The following OPCML variants were observed in gnomAD, a reference collection of about 807,000 sequenced individuals.
OPCML encodes the protein opioid binding protein/cell adhesion molecule like, also known as opioid-binding protein/cell adhesion molecule.
OPCML carries 13 observed loss-of-function variants against 37.8 expected under a neutral mutation model. The ratio of observed to expected loss-of-function variants is 0.34; its 90% CI spans 0.22 to 0.55. The LOEUF is 0.55. Among genes scored for constraint, OPCML ranks in the 20% least tolerant of loss-of-function variants. The pLI is 0.91. For missense variants in OPCML, 341 were observed against 435.6 expected (o/e 0.78, Z 1.93); for synonymous variants, 176 against 168.8 (o/e 1.04, Z -0.33).
At chr11:132,690,197 C>A (rs779096871) in intron 2 of OPCML, among the ~76,000 whole-genome samples, 3 of 152,156 alleles carry the variant, frequency 2.0e-5, no homozygotes, top group Non-Finnish European at 2.9e-5. Flanking sequence ...ACCTCAGTCT[C>A]ACAAAGAGCT....
At chr11:132,999,211 C>T (rs1946945534) in intron 1 of OPCML, among the ~76,000 whole-genome samples, 2 of 152,160 alleles carry the variant, frequency 1.3e-5, no homozygotes, top group Admixed American at 6.5e-5. Flanking sequence ...AGAAGGAATT[C>T]GTGTCTCTAA....
chr11:133,245,577 G>A (rs186379233), intron 1 of OPCML, among the ~76,000 whole-genome samples: 18 of 152,236 alleles, frequency 1.2e-4, no homozygotes, highest in East Asian at 5.8e-4. Context: ...CCTGAGACTC[G>A]TGTGTCAAAA....
At chr11:132,850,047 A>C (rs1941733505) in intron 2 of OPCML, among the ~76,000 whole-genome samples, 1 of 152,222 alleles carries the variant, frequency 6.6e-6, no homozygotes, top group Admixed American at 6.5e-5. Context: ...AGGATGGGAA[A>C]GACAAACTTT....
chr11:133,327,354 C>T (rs777467025), intron 1 of OPCML, among the ~76,000 whole-genome samples: 1 of 151,864 alleles, frequency 6.6e-6, no homozygotes, highest in Non-Finnish European at 1.5e-5. Context: ...TGTGCAGACT[C>T]TAGGATTACT....
intron 2 of OPCML, among the ~76,000 whole-genome samples, chr11:132,769,708 C>T (rs1017819362): frequency 1.3e-4 from 20 of 152,060 alleles, no homozygotes; most frequent in Non-Finnish European, 7.4e-5. Flanking sequence ...GGGAGACTCG[C>T]GCACCCACAC....
intron 1 of OPCML, among the ~76,000 whole-genome samples, chr11:133,444,067 C>G (rs1310983364): frequency 6.6e-6 from 1 of 152,134 alleles, no homozygotes; most frequent in Non-Finnish European, 1.5e-5. Context: ...GCTTTCCCCT[C>G]TATTTGCACT....
At chr11:133,290,132 A>G (rs769099243) in intron 1 of OPCML, among the ~76,000 whole-genome samples, 55 of 152,168 alleles carry the variant, frequency 3.6e-4, no homozygotes, top group Non-Finnish European at 6.2e-4. Context: ...CCTACATGCA[A>G]GGAACATTCA....
intron 2 of OPCML, among the ~76,000 whole-genome samples, chr11:132,892,327 G>A (rs79549129): frequency 0.012 from 1,846 of 152,324 alleles, 30 homozygotes; most frequent in African/African-American, 0.041. Flanking sequence ...AGAAGAGAGT[G>A]TGGGGTGGTT....
chr11:133,270,618 T>C (rs546601586), intron 1 of OPCML, among the ~76,000 whole-genome samples: 1 of 152,298 alleles, frequency 6.6e-6, no homozygotes, highest in South Asian at 2.1e-4. Context: ...AACATGGAGG[T>C]ACACTGGCTG....
intron 4 of OPCML, among the ~76,000 whole-genome samples, chr11:132,460,875 T>C (rs2096099259): frequency 1.3e-5 from 2 of 152,236 alleles, no homozygotes. Context: ...TAATTGAAAT[T>C]TTAAAAATTG....
At chr11:132,428,020 T>C (rs2095983384) in intron 7 of OPCML, among the ~76,000 whole-genome samples, 1 of 152,196 alleles carries the variant, frequency 6.6e-6, no homozygotes. Context: ...ATAAAAATCA[T>C]ACACGTTATC....
chr11:132,579,105 G>C (rs1039602048), intron 3 of OPCML, among the ~76,000 whole-genome samples: 1 of 152,134 alleles, frequency 6.6e-6, no homozygotes, highest in African/African-American at 2.4e-5. Context: ...ATGATCAACT[G>C]GGGGGAGGCC....
At chr11:132,762,876 G>A (rs1406434582) in intron 2 of OPCML, among the ~76,000 whole-genome samples, 1 of 152,118 alleles carries the variant, frequency 6.6e-6, no homozygotes, top group East Asian at 1.9e-4. Context: ...AAATACACCT[G>A]CAGCTAGCTC....
intron 2 of OPCML, among the ~76,000 whole-genome samples, chr11:132,777,821 C>T (rs1946859872): frequency 6.6e-6 from 1 of 152,156 alleles, no homozygotes; most frequent in South Asian, 2.1e-4. Flanking sequence ...TACCTTCAGG[C>T]TCATGTTTAA....
At chr11:133,213,577 T>G (rs571639942) in intron 1 of OPCML, among the ~76,000 whole-genome samples, 3 of 152,302 alleles carry the variant, frequency 2.0e-5, no homozygotes, top group Admixed American at 2.0e-4. Context: ...GTATAAAATT[T>G]GACATTCTCA....
At chr11:132,772,779 CATCTCA>C (rs1370101682) in intron 2 of OPCML, 2 of 152,222 alleles carry the variant, frequency 1.3e-5, no homozygotes, top group Non-Finnish European at 2.9e-5. Flanking sequence ...CTGTGAGCTA[CATCTCA>C]AATGGCCCCC....
intron 2 of OPCML, among the ~76,000 whole-genome samples, chr11:132,793,654 A>T (rs544036764): frequency 6.6e-6 from 1 of 152,280 alleles, no homozygotes; most frequent in South Asian, 2.1e-4. Context: ...AGCTTGAAAA[A>T]GGGACCCTTT....
intron 1 of OPCML, among the ~76,000 whole-genome samples, chr11:133,155,399 C>T (rs921794009): frequency 6.6e-6 from 1 of 152,162 alleles, no homozygotes; most frequent in Non-Finnish European, 1.5e-5. Context: ...TTTTTCACCA[C>T]CCGTCTCCTT....
At chr11:133,154,145 G>T (rs1950024129) in intron 1 of OPCML, among the ~76,000 whole-genome samples, 1 of 151,924 alleles carries the variant, frequency 6.6e-6, no homozygotes, top group Non-Finnish European at 1.5e-5. Flanking sequence ...TAGGGGATGT[G>T]CGGAGCAGGA....
Sources: allele counts gnomAD v4.1 joint callset (sites outside exome capture counted in the v4.1 genomes callset), GRCh38; gene constraint gnomAD v4.1.1; transcripts MANE v1.5; gene names NCBI Gene and HGNC (gene_info 2026-07-23, HGNC 2026-07-21).